The following RAD52 variants were observed in gnomAD, a reference collection of about 807,000 sequenced individuals.
RAD52 encodes RAD52 DNA repair protein, also known as DNA repair protein RAD52 homolog.
A neutral mutation model predicts 55.5 loss-of-function variants in RAD52; 47 were observed. The ratio of observed to expected loss-of-function variants is 0.85; its 90% CI spans 0.67 to 1.08. The LOEUF (loss-of-function observed/expected upper bound fraction) is 1.08. Ranked by LOEUF, RAD52 falls within the 50% of genes least tolerant of loss-of-function variation. RAD52 has a pLI of 0.00. For missense variants in RAD52, 468 were observed against 522.8 expected (o/e 0.90, Z 1.02); for synonymous variants, 184 against 198.9 (o/e 0.92, Z 0.63).
At position 912,647 on chromosome 12, in the gene RAD52, G is replaced by A. The variant is rs11226; in HGVS notation, c.*744C>T. 0.43 allele frequency: 74,314 copies of A among 171,536 alleles called. 16,526 individuals are homozygous for A. Among genetic ancestry groups the A allele is most frequent in the Admixed American group, 0.52 (7,890 of 15,208 alleles). 10.6% of individuals were successfully genotyped at this position (171,536 alleles called of 1,614,324 possible). A position where few individuals can be genotyped will look rare whatever the true frequency, so the allele number is the denominator to read the frequency against. ...AAGGCAGAGGTGGGAGTATCACTTGGGCCCAAGAGGTTGTGGAGAGAGCTG... is the reference window on the plus strand; with the variant it reads ...AAGGCAGAGGTGGGAGTATCACTTGAGCCCAAGAGGTTGTGGAGAGAGCTG... On this transcript the variant is annotated 3_prime_UTR_variant, in exon 12 of 12. Transcript: ENST00000358495.
chr12:927,120 GT>G (rs1206488513), intron 6 of RAD52, 24 bp downstream of exon 6: 3 of 1,598,808 alleles, frequency 1.9e-6, no homozygotes, highest in Non-Finnish European at 2.6e-6. Flanking sequence ...AATGACGCAG[GT>G]TAGACTCCCA....
At chr12:934,976 G>T (rs925595238) in intron 1 of RAD52, among the ~76,000 whole-genome samples, 4 of 152,052 alleles carry the variant, frequency 2.6e-5, no homozygotes, top group African/African-American at 9.7e-5. Context: ...TTAGCCGGAT[G>T]TGGTGGCAGG....
Position 932,586 on chromosome 12 carries a change from T to C in RAD52, c.84+389A>G, listed in dbSNP as rs532675063. ...CAGTTTCATTTTGAATTTGATGTCA[T>C]ACAAATATGTTATCTATCCCCCCCC... is the stretch of plus-strand genomic sequence containing the variant. On this transcript the variant is annotated intron_variant, in intron 2 of 11. Transcript: ENST00000358495. Among the ~76,000 whole-genome samples the C allele has an allele frequency of 1.7e-4, 26 of 152,172 alleles. 2 individuals are homozygous for C. The South Asian group carries it at 5.4e-3, about 32-fold the overall frequency.
intron 1 of RAD52, among the ~76,000 whole-genome samples, chr12:969,435 CTTATT>C (rs1175179481): frequency 6.6e-6 from 1 of 151,914 alleles, no homozygotes; most frequent in Non-Finnish European, 1.5e-5. Context: ...AGACATTTTA[CTTATT>C]TTATTATATA....
At chr12:963,828 A>G (rs1958719841) in intron 1 of RAD52, among the ~76,000 whole-genome samples, 1 of 152,198 alleles carries the variant, frequency 6.6e-6, no homozygotes, top group South Asian at 2.1e-4. Context: ...GGCAAGTAAA[A>G]AAAAAAAGAA....
intron 1 of RAD52, among the ~76,000 whole-genome samples, chr12:956,361 C>T (rs1160308322): frequency 6.6e-6 from 1 of 152,178 alleles, no homozygotes; most frequent in Non-Finnish European, 1.5e-5. Flanking sequence ...AGTTATTAAT[C>T]ATTTTTAACA....
chr12:920,418 TA>T lies in RAD52; in HGVS notation c.544-3599del, dbSNP rs758662813. ...AAAAATACAAAAAATTAGCCGGGCG[TA>T]GGTGGCGGGCGCCTGTAGTCCCAGC... On this transcript the variant is annotated intron_variant, in intron 7 of 11. Transcript: ENST00000358495. 5.7e-4 allele frequency among the ~76,000 whole-genome samples: 30 copies of T among 52,658 alleles called. 1 individual carries two copies. The highest frequency in any genetic ancestry group is 0.017 in the Middle Eastern group (1 of 58). The allele number at this position is 52,658 out of a possible 152,430, so 34.5% of individuals were successfully genotyped here.
intron 1 of RAD52, 24 bp from the exon 2 acceptor site, chr12:933,100 A>G (rs1395689339): frequency 6.6e-7 from 1 of 1,506,066 alleles, no homozygotes; most frequent in Non-Finnish European, 9.1e-7. Flanking sequence ...AAGCGGAAAA[A>G]AAAAACAACC....
intron 1 of RAD52, among the ~76,000 whole-genome samples, chr12:963,393 G>A (rs1958713985): frequency 6.6e-6 from 1 of 152,270 alleles, no homozygotes; most frequent in East Asian, 1.9e-4. Context: ...CAAGTTCCCG[G>A]CTTGGAGCTT....
At chr12:925,648 C>T in intron 6 of RAD52, 123 bp from the exon 7 acceptor site, 1 of 712,310 alleles carries the variant, frequency 1.4e-6, no homozygotes, top group Non-Finnish European at 2.5e-6. Flanking sequence ...TGGACCCTAA[C>T]ATGCATTCCC....
chr12:981,063 C>T (rs929028941), intron 1 of RAD52, among the ~76,000 whole-genome samples: 2 of 151,908 alleles, frequency 1.3e-5, no homozygotes, highest in Non-Finnish European at 2.9e-5. Flanking sequence ...GGTGTGGTAG[C>T]TCACACCTGT....
At chr12:989,538 A>G (rs554774875) in intron 1 of RAD52, among the ~76,000 whole-genome samples, 2 of 152,176 alleles carry the variant, frequency 1.3e-5, no homozygotes, top group Non-Finnish European at 2.9e-5. Context: ...GCAGGAAATA[A>G]TATTTTTTGC....
chr12:964,875 C>G (rs779690248), intron 1 of RAD52, among the ~76,000 whole-genome samples: 3 of 152,036 alleles, frequency 2.0e-5, no homozygotes, highest in Non-Finnish European at 2.9e-5. Flanking sequence ...CCTCCCCAGC[C>G]TCTATGTGCT....
intron 7 of RAD52, among the ~76,000 whole-genome samples, chr12:923,681 A>G (rs549588804): frequency 1.3e-5 from 2 of 152,280 alleles, no homozygotes; most frequent in South Asian, 2.1e-4. Context: ...CTGCAGATCA[A>G]TTTCACAACA....
At chr12:954,032 G>A (rs915347773), upstream of RAD52, among the ~76,000 whole-genome samples, 10 of 152,030 alleles carry the variant, frequency 6.6e-5, no homozygotes, top group African/African-American at 1.9e-4. Flanking sequence ...CACAACTTTC[G>A]GCAGTGTAAT....
intron 2 of RAD52, among the ~76,000 whole-genome samples, chr12:931,737 A>G (rs1957335121): frequency 6.6e-6 from 1 of 152,202 alleles, no homozygotes; most frequent in Non-Finnish European, 1.5e-5. Context: ...GGAAGCTAAA[A>G]TGTTCTGCCT....
intron 1 of RAD52, among the ~76,000 whole-genome samples, chr12:958,457 C>A (rs1958640184): frequency 6.6e-6 from 1 of 152,184 alleles, no homozygotes; most frequent in Admixed American, 6.6e-5. Context: ...CTCAAGTGAT[C>A]CACCCGCCTT....
At position 982,566 on chromosome 12, in the gene RAD52, C is replaced by T. The variant is rs188141758; in HGVS notation, c.-19+7243G>A. ...AAAGGATGGCCTTTCCCGCACTTTC[C>T]GATAATATGTTCCTAATTTCCGTCT... On this transcript the variant is annotated intron_variant, in intron 1 of 11. Transcript: ENST00000430095. 8.1e-4 allele frequency among the ~76,000 whole-genome samples: 123 copies of T among 151,464 alleles called. 1 individual carries two copies. In the South Asian group the frequency reaches 0.016, roughly 20 times the overall value.
rs1447491245 is a variant in RAD52 at position 920,554 on chromosome 12, C to T, written c.544-3734G>A. 8.3e-5 allele frequency among the ~76,000 whole-genome samples: 12 copies of T among 144,128 alleles called. No homozygotes were observed. The East Asian group carries it at 1.0e-3, about 12-fold the overall frequency. 94.6% of individuals were successfully genotyped at this position (144,128 alleles called of 152,430 possible). Reference sequence around the variant, plus strand: ...CAGCCTGGGCGACAGAGTGAGACTCCGTCTCAAAAAAAAAAAAAAGAATGT... The same window carrying T: ...CAGCCTGGGCGACAGAGTGAGACTCTGTCTCAAAAAAAAAAAAAAGAATGT... On this transcript the variant is annotated intron_variant, in intron 7 of 11. Transcript: ENST00000358495.
Sources: allele counts gnomAD v4.1 joint callset (sites outside exome capture counted in the v4.1 genomes callset), GRCh38; gene constraint gnomAD v4.1.1; transcripts MANE v1.5; gene names NCBI Gene and HGNC (gene_info 2026-07-23, HGNC 2026-07-21).